The following MYH10 variants were observed in gnomAD, a reference collection of about 807,000 sequenced individuals.
The protein encoded by MYH10 is myosin heavy chain 10.
MYH10 carries 55 observed loss-of-function variants against 257.8 expected under a neutral mutation model. The ratio of observed to expected loss-of-function variants is 0.21; its 90% CI spans 0.17 to 0.27. The LOEUF is 0.27. Among genes scored for constraint, MYH10 ranks in the 10% least tolerant of loss-of-function variants. MYH10 has a pLI of 1.00. For synonymous variants in MYH10, 854 were observed against 921.7 expected (o/e 0.93, Z 1.33); for missense variants, 1,631 against 2,500.6 (o/e 0.65, Z 7.42).
intron 24 of MYH10, 47 bp from the exon 25 acceptor site, chr17:8,509,996 CCA>C (rs36135285): frequency 0.59 from 914,269 of 1,561,190 alleles, 272,092 homozygotes; most frequent in Non-Finnish European, 0.61. Context: ...CGAGATTTGA[CCA>C]CACATTCATT....
chr17:8,497,638 C>G (rs921038996), intron 30 of MYH10, among the ~76,000 whole-genome samples: 3 of 141,008 alleles, frequency 2.1e-5, no homozygotes, highest in Non-Finnish European at 3.0e-5. Flanking sequence ...ACCCAGGAGG[C>G]TGAGGCAGGA....
At chr17:8,511,052 A>ATG (rs2081268658) in intron 24 of MYH10, 1 of 114,888 alleles carries the variant, frequency 8.7e-6, no homozygotes, top group Non-Finnish European at 1.7e-5. Context: ...ATATATATAT[A>ATG]TATATATACA....
At chr17:8,494,049 T>C (rs1916191312) in intron 31 of MYH10, among the ~76,000 whole-genome samples, 164 bp from the exon 32 acceptor site, 1 of 152,218 alleles carries the variant, frequency 6.6e-6, no homozygotes, top group Non-Finnish European at 1.5e-5. Flanking sequence ...ACGATAACTT[T>C]GTAAAAGCTC....
rs150206681 is a variant in MYH10, at chr17:8,506,384, G to A, written c.3320C>T (p.Ala1107Val). The change falls in exon 27 of 43, where the codon GCG (alanine) becomes GTG (valine). Residue 1107 changes from alanine to valine, a missense_variant. Around this residue, in one of 11 missense-constraint regions of MYH10, gnomAD observed 169 missense variants for 249.8 expected, o/e 0.68. Transcript: ENST00000360416. This position sits in a 1 kb window ranked among gnomAD's most constrained non-coding sequence, Gnocchi z 5.0. ...DLQDQIAELQAQIDELKLQLA... is the reference protein window; with the variant it reads ...DLQDQIAELQVQIDELKLQLA... Reference sequence around the variant, plus strand: ...CTGCAGCTTGAGCTCATCAATCTGCGCCTGCAGCTCTGCGATCTGGTCCTG... The same window carrying A: ...CTGCAGCTTGAGCTCATCAATCTGCACCTGCAGCTCTGCGATCTGGTCCTG... The A allele has an allele frequency of 3.8e-5, 61 of 1,611,744 alleles. No homozygotes were observed. Among genetic ancestry groups the A allele is most frequent in the Non-Finnish European group, 4.7e-5 (56 of 1,179,376 alleles).
At chr17:8,571,609 G>A (rs1211899382) in intron 6 of MYH10, among the ~76,000 whole-genome samples, 3 of 151,570 alleles carry the variant, frequency 2.0e-5, no homozygotes, top group Non-Finnish European at 2.9e-5. Context: ...AGTGAAACCT[G>A]TCTCTACTAA....
intron 12 of MYH10, among the ~76,000 whole-genome samples, chr17:8,546,287 G>A (rs2082441223): frequency 6.6e-6 from 1 of 151,966 alleles, no homozygotes; most frequent in South Asian, 2.1e-4. Context: ...TCAAACTCCT[G>A]ACCTCAGGTG....
chr17:8,565,782 G>T (rs1222284254), intron 7 of MYH10, among the ~76,000 whole-genome samples: 5 of 152,156 alleles, frequency 3.3e-5, no homozygotes, highest in African/African-American at 1.2e-4. Context: ...GCTGCTTCCA[G>T]GTGGCTAGAA....
At chr17:8,509,604 C>CAGGAT in intron 25 of MYH10, among the ~76,000 whole-genome samples, 1 of 152,284 alleles carries the variant, frequency 6.6e-6, no homozygotes, top group East Asian at 1.9e-4. Context: ...AAAAGATTAT[C>CAGGAT]AGGATATTTG....
Position 8,626,577 on chromosome 17 carries a change from TA to T in MYH10, c.-31-3301del, listed in dbSNP as rs1315676172. ...ATGAGACTCTGTCTCAAAATAATAA[TA>T]AATAATAATAATAATAATAATAATA... On this transcript the variant is annotated intron_variant, in intron 1 of 42. Coordinates refer to ENST00000360416, the MANE Select transcript of MYH10 (RefSeq NM_001256012.3). Among the ~76,000 whole-genome samples the T allele has an allele frequency of 2.0e-4, 13 of 65,688 alleles. 1 individual carries two copies. The highest frequency in any genetic ancestry group is 6.3e-4 in the Admixed American group (4 of 6,392). The allele number at this position is 65,688 out of a possible 152,430, so 43.1% of individuals were successfully genotyped here.
intron 7 of MYH10, among the ~76,000 whole-genome samples, chr17:8,566,825 G>A (rs1402154520): frequency 4.6e-5 from 7 of 152,172 alleles, no homozygotes; most frequent in Admixed American, 1.3e-4. Flanking sequence ...ACACACCCTG[G>A]CAGGGGGATA....
At chr17:8,594,121 C>T (rs946066002) in intron 3 of MYH10, among the ~76,000 whole-genome samples, 20 of 152,232 alleles carry the variant, frequency 1.3e-4, no homozygotes, top group East Asian at 1.9e-4. Context: ...AAAGATGACT[C>T]GCAACCCATA....
chr17:8,567,515 C>G (rs978550194), intron 7 of MYH10, among the ~76,000 whole-genome samples: 2 of 152,076 alleles, frequency 1.3e-5, no homozygotes, highest in Non-Finnish European at 2.9e-5. Context: ...GAAGTCCTAA[C>G]CCCCAGGACC....
chr17:8,521,136 T>G lies in MYH10; in HGVS notation c.2107A>C (p.Asn703His). 6.2e-7 allele frequency: 1 copy of G among 1,614,250 alleles called. No homozygotes were observed. The highest frequency in any genetic ancestry group is 8.5e-7 in the Non-Finnish European group (1 of 1,180,028). ...ATGATACAACGAACAAAGTTAGGGT[T>G]GGTGTTTCGGAGAGTTGCCATCAGC... The part of the protein sequence containing the change: ...TKLMATLRNT[N>H]PNFVRCIIPN... Residue 703 changes from asparagine to histidine, a missense_variant, in exon 18 of 43, where the codon AAC (asparagine) becomes CAC (histidine). Transcript: ENST00000360416.
At chr17:8,511,899 A>G (rs1265050453) in intron 24 of MYH10, among the ~76,000 whole-genome samples, 1 of 152,260 alleles carries the variant, frequency 6.6e-6, no homozygotes, top group Non-Finnish European at 1.5e-5. Context: ...CCTCTAAAAT[A>G]TAAAGACCAT....
At chr17:8,510,005 C>T in intron 24 of MYH10, 56 bp from the exon 25 acceptor site, 5 of 1,545,740 alleles carry the variant, frequency 3.2e-6, no homozygotes, top group Non-Finnish European at 4.4e-6. Flanking sequence ...ACCACACATT[C>T]ATTGTGCACA....
chr17:8,572,112 G>A (rs2083364229), intron 6 of MYH10, among the ~76,000 whole-genome samples: 1 of 152,084 alleles, frequency 6.6e-6, no homozygotes, highest in African/African-American at 2.4e-5. Context: ...CATCTTTAAA[G>A]AGTTTTCCTA....
At chr17:8,554,895 G>C (rs1306546068) in intron 7 of MYH10, among the ~76,000 whole-genome samples, 2 of 152,254 alleles carry the variant, frequency 1.3e-5, no homozygotes, top group Non-Finnish European at 2.9e-5. Flanking sequence ...GGAGGTTGCA[G>C]TGAACTGAGA....
intron 2 of MYH10, among the ~76,000 whole-genome samples, chr17:8,609,659 A>G (rs1339421393): frequency 6.6e-6 from 1 of 152,186 alleles, no homozygotes; most frequent in Non-Finnish European, 1.5e-5. Context: ...ACGTAAAATT[A>G]AAATCCACAG....
intron 25 of MYH10, among the ~76,000 whole-genome samples, chr17:8,509,453 T>C (rs2081186167): frequency 6.6e-6 from 1 of 152,268 alleles, no homozygotes; most frequent in African/African-American, 2.4e-5. Context: ...TTACACGTCT[T>C]GGTGCCCACC....
Sources: gnomAD v4.1 joint callset for allele counts (sites outside exome capture counted in the v4.1 genomes callset) on GRCh38, gnomAD v4.1.1 for gene constraint, gnomAD v4.1.1 regional missense constraint, Gnocchi (gnomAD v3.1) non-coding constraint, MANE v1.5 for transcripts, NCBI Gene and HGNC (gene_info 2026-07-23, HGNC 2026-07-21) for gene names.